ATXN7L1: variants seen among roughly 807,000 people sequenced by gnomAD.
ATXN7L1 encodes the protein ataxin-7-like protein 1.
In ATXN7L1, 15 loss-of-function variants were observed where a neutral mutation model predicts 70.8. The ratio of observed to expected loss-of-function variants is 0.21; its 90% CI spans 0.14 to 0.33. ATXN7L1 has a LOEUF of 0.33. Among genes scored for constraint, ATXN7L1 ranks in the 10% least tolerant of loss-of-function variants. ATXN7L1 has a pLI of 1.00. For synonymous variants in ATXN7L1, 440 were observed against 445.1 expected, an observed-to-expected ratio of 0.99 and a Z score of 0.14; for missense variants, 975 against 1,097.1, an observed-to-expected ratio of 0.89 and a Z score of 1.57.
chr7:105,812,097 G>GC (rs57998298), intron 2 of ATXN7L1, among the ~76,000 whole-genome samples: 9,547 of 152,212 alleles, frequency 0.063, 438 homozygotes, highest in East Asian at 0.18. Flanking sequence ...CCCTTCTCAA[G>GC]CCCCCCTGGA....
intron 3 of ATXN7L1, among the ~76,000 whole-genome samples, chr7:105,683,018 AG>A (rs1805733094): frequency 6.6e-6 from 1 of 152,254 alleles, no homozygotes; most frequent in Non-Finnish European, 1.5e-5. Context: ...ATTAGTTTCA[AG>A]ATAACTGAGT....
intron 3 of ATXN7L1, chr7:105,760,323 T>C (rs1476223633): frequency 1.1e-6 from 1 of 918,346 alleles, no homozygotes; most frequent in East Asian, 1.2e-4. Flanking sequence ...GCTACAACCA[T>C]ATGAGGGGGC....
chr7:105,814,250 A>G (rs1436545423), intron 2 of ATXN7L1, among the ~76,000 whole-genome samples: 1 of 152,096 alleles, frequency 6.6e-6, no homozygotes, highest in African/African-American at 2.4e-5. Context: ...GCCCCCTGAA[A>G]TTGACTTGGC....
chr7:105,662,666 C>T (rs376936702), intron 4 of ATXN7L1, among the ~76,000 whole-genome samples: 9 of 152,246 alleles, frequency 5.9e-5, no homozygotes, highest in African/African-American at 2.2e-4. Context: ...CCTTCCCTGG[C>T]TTTCCTTATT....
rs1420840564 is a variant in ATXN7L1, at chr7:105,789,840, G to A, written c.251-1132C>T. Among the ~76,000 whole-genome samples, 4 of 151,894 alleles carry A rather than the reference G, an allele frequency of 2.6e-5. No homozygotes were observed. The East Asian group carries it at 5.8e-4, about 22-fold the overall frequency. On this transcript the variant is annotated intron_variant, in intron 2 of 11. Coordinates refer to ENST00000419735, the MANE Select transcript of ATXN7L1 (RefSeq NM_020725.2). ...AGATCAGTTACGTGGCAATACCTCC[G>A]AGACAATGAACACATATGTACATGG...
At chr7:105,805,729 G>T (rs1270226846) in intron 2 of ATXN7L1, among the ~76,000 whole-genome samples, 1 of 152,182 alleles carries the variant, frequency 6.6e-6, no homozygotes, top group East Asian at 1.9e-4. Context: ...CAAGCTTCCA[G>T]GCAGTCGCAG....
chr7:105,682,860 T>C (rs1805713289), intron 3 of ATXN7L1, among the ~76,000 whole-genome samples: 1 of 152,168 alleles, frequency 6.6e-6, no homozygotes, highest in Non-Finnish European at 1.5e-5. Flanking sequence ...TGGAACTAGA[T>C]AGAAGTGGTG....
intron 4 of ATXN7L1, among the ~76,000 whole-genome samples, chr7:105,646,752 C>T (rs913309136): frequency 3.7e-5 from 5 of 136,126 alleles, no homozygotes; most frequent in African/African-American, 8.6e-5. Flanking sequence ...TGGACAACAC[C>T]GTGAGACCAT....
chr7:105,729,939 G>A (rs982443834), intron 3 of ATXN7L1, among the ~76,000 whole-genome samples: 3 of 151,886 alleles, frequency 2.0e-5, no homozygotes, highest in Non-Finnish European at 4.4e-5. Flanking sequence ...GGGTTTCACC[G>A]TGTTAGCCAG....
chr7:105,761,547 C>T, intron 3 of ATXN7L1: 3 of 1,538,456 alleles, frequency 2.0e-6, no homozygotes, highest in Middle Eastern at 1.7e-4. Flanking sequence ...AATGATTACT[C>T]ATGCCAATTG....
intron 3 of ATXN7L1, among the ~76,000 whole-genome samples, chr7:105,750,790 A>T (rs1317125107): frequency 3.3e-5 from 5 of 151,998 alleles, no homozygotes; most frequent in Non-Finnish European, 7.4e-5. Context: ...GCGACAGAGT[A>T]AGACTCTGTC....
intron 3 of ATXN7L1, among the ~76,000 whole-genome samples, chr7:105,702,763 C>A (rs764879480): frequency 1.2e-4 from 18 of 151,544 alleles, no homozygotes; most frequent in Non-Finnish European, 2.1e-4. Context: ...GCGGATCACC[C>A]GAGGTCTGCA....
intron 4 of ATXN7L1, among the ~76,000 whole-genome samples, chr7:105,654,360 G>T (rs188134225): frequency 6.6e-6 from 1 of 152,260 alleles, no homozygotes; most frequent in Non-Finnish European, 1.5e-5. Flanking sequence ...ATGCACTCAC[G>T]TGCAATACCG....
chr7:105,725,583 C>CTT (rs11428348), intron 3 of ATXN7L1, among the ~76,000 whole-genome samples: 74 of 140,472 alleles, frequency 5.3e-4, no homozygotes, highest in South Asian at 1.2e-3. Context: ...TTTCCATTTC[C>CTT]TTTTTTTTTT....
intron 3 of ATXN7L1, among the ~76,000 whole-genome samples, chr7:105,733,792 T>A (rs113879868): frequency 0.21 from 2,801 of 13,306 alleles, 6 homozygotes; most frequent in Admixed American, 0.25. Flanking sequence ...CCATCCATCC[T>A]TCCATCCATC....
At chr7:105,694,341 T>C (rs1040297013) in intron 3 of ATXN7L1, among the ~76,000 whole-genome samples, 5 of 152,200 alleles carry the variant, frequency 3.3e-5, no homozygotes, top group African/African-American at 1.2e-4. Flanking sequence ...CCACTGCACC[T>C]GGCTGAGAAG....
intron 3 of ATXN7L1, among the ~76,000 whole-genome samples, chr7:105,684,698 C>T (rs1303739114): frequency 6.6e-6 from 1 of 152,192 alleles, no homozygotes; most frequent in Non-Finnish European, 1.5e-5. Context: ...CACCTGAAAA[C>T]TCGATCGGCC....
intron 9 of ATXN7L1, among the ~76,000 whole-genome samples, chr7:105,617,246 G>A (rs1331706254): frequency 2.0e-5 from 3 of 152,124 alleles, no homozygotes; most frequent in East Asian, 1.9e-4. Flanking sequence ...GGATGGTCTC[G>A]ATCTCCTAAC....
chr7:105,743,328 G>C (rs766673699), intron 3 of ATXN7L1, among the ~76,000 whole-genome samples: 22 of 152,156 alleles, frequency 1.4e-4, no homozygotes, highest in African/African-American at 5.1e-4. Flanking sequence ...AGCTGAGAGC[G>C]GTTAGGCAGT....
Sources: allele counts gnomAD v4.1 joint callset (sites outside exome capture counted in the v4.1 genomes callset), GRCh38; gene constraint gnomAD v4.1.1; transcripts MANE v1.5; gene names NCBI Gene and HGNC (gene_info 2026-07-23, HGNC 2026-07-21).